MYO16: variants seen among roughly 807,000 people sequenced by gnomAD.
The protein encoded by MYO16 is myosin XVI, also known as unconventional myosin-XVI.
Under a neutral mutation model 205.3 loss-of-function variants are expected in MYO16, and 94 were observed. The observed-to-expected ratio is 0.46, with a 90% CI of 0.39 to 0.54. The LOEUF is 0.54. Among genes scored for constraint, MYO16 ranks in the 20% least tolerant of loss-of-function variants. The pLI is 0.00. For synonymous variants in MYO16, 988 were observed against 954.0 expected, an observed-to-expected ratio of 1.04 and a Z score of -0.66; for missense variants, 2,315 against 2,387.5, an observed-to-expected ratio of 0.97 and a Z score of 0.63.
the MYO16 span, among the ~76,000 whole-genome samples, chr13:108,529,639 C>G: frequency 1.3e-5 from 2 of 152,216 alleles, no homozygotes; most frequent in African/African-American, 4.8e-5. Flanking sequence ...TTGAACCTGA[C>G]AGTTAATTGT....
intron 1 of MYO16, among the ~76,000 whole-genome samples, chr13:108,657,798 C>A (rs1881312445): frequency 6.6e-6 from 1 of 152,088 alleles, no homozygotes; most frequent in African/African-American, 2.4e-5. Flanking sequence ...CCTCTTCCTA[C>A]CCACATTTTA....
At chr13:108,522,209 C>T in the MYO16 span, among the ~76,000 whole-genome samples, 1 of 152,198 alleles carries the variant, frequency 6.6e-6, no homozygotes, top group African/African-American at 2.4e-5. Context: ...TGGAGACCCC[C>T]AAATTCTTCC....
chr13:108,615,646 C>T (rs1879324399), intron 1 of MYO16, among the ~76,000 whole-genome samples: 1 of 152,116 alleles, frequency 6.6e-6, no homozygotes, highest in African/African-American at 2.4e-5. Context: ...TTGATCCATG[C>T]TGTCAGATAT....
chr13:108,688,945 T>C (rs888078273), intron 2 of MYO16, among the ~76,000 whole-genome samples: 2 of 152,178 alleles, frequency 1.3e-5, no homozygotes, highest in Admixed American at 6.6e-5. Context: ...CATGAGCTTG[T>C]TATAAAGATT....
At chr13:108,616,504 T>C (rs144549355) in intron 1 of MYO16, among the ~76,000 whole-genome samples, 2 of 152,250 alleles carry the variant, frequency 1.3e-5, no homozygotes, top group African/African-American at 2.4e-5. Flanking sequence ...CATATGATGA[T>C]GACTTGGGAA....
chr13:108,500,805 T>C, the MYO16 span, among the ~76,000 whole-genome samples: 1 of 152,158 alleles, frequency 6.6e-6, no homozygotes, highest in East Asian at 1.9e-4. Context: ...ATGAAACCTG[T>C]GGCTTAAAAG....
intron 14 of MYO16, among the ~76,000 whole-genome samples, chr13:108,893,211 A>C (rs1033920342): frequency 6.6e-6 from 1 of 152,254 alleles, no homozygotes; most frequent in Non-Finnish European, 1.5e-5. Flanking sequence ...GTATATGTAC[A>C]GGAATTAAAT....
intron 22 of MYO16, among the ~76,000 whole-genome samples, chr13:109,011,762 C>G (rs1885610130): frequency 6.6e-6 from 1 of 151,996 alleles, no homozygotes; most frequent in South Asian, 2.1e-4. Flanking sequence ...ATCCGCCTGC[C>G]TCACCTCCCA....
At chr13:108,583,327 T>C in the MYO16 span, among the ~76,000 whole-genome samples, 1 of 152,202 alleles carries the variant, frequency 6.6e-6, no homozygotes, top group Admixed American at 6.5e-5. Context: ...ATGCATCAAG[T>C]TGACAGAGTT....
intron 24 of MYO16, chr13:109,048,355 G>A (rs181373087): frequency 1.7e-4 from 128 of 757,508 alleles, no homozygotes; most frequent in Non-Finnish European, 2.8e-4. Flanking sequence ...GTGCTTCTGA[G>A]CAAAAGGACA....
upstream of MYO16, among the ~76,000 whole-genome samples, chr13:108,591,157 T>C (rs932370212): frequency 4.6e-5 from 7 of 152,214 alleles, no homozygotes; most frequent in East Asian, 1.4e-3. Flanking sequence ...ATCTCCTGAC[T>C]CTTACCTGCA....
intron 2 of MYO16, among the ~76,000 whole-genome samples, chr13:108,667,322 T>G (rs1276627819): frequency 2.1e-5 from 3 of 141,384 alleles, no homozygotes; most frequent in East Asian, 4.1e-4. Context: ...TCTGTTTTGT[T>G]TTTTTTTTTT....
chr13:108,611,998 C>T lies in MYO16; in HGVS notation c.-39+15759C>T, dbSNP rs1316458046. Reference sequence around the variant, plus strand: ...TTTTTTTTTTTTTTTTTTTTTGAGACGGAGTCTCGCTCTGTCGCCCAGGCT... The same window carrying T: ...TTTTTTTTTTTTTTTTTTTTTGAGATGGAGTCTCGCTCTGTCGCCCAGGCT... On this transcript the variant is annotated intron_variant, in intron 1 of 24. Coordinates refer to the MYO16 transcript ENST00000251041. 2.3e-4 allele frequency among the ~76,000 whole-genome samples: 26 copies of T among 113,344 alleles called. No individual in the cohort carries two copies. The Admixed American group carries it at 2.4e-3, about 10-fold the overall frequency. 74.4% of individuals were successfully genotyped at this position (113,344 alleles called of 152,430 possible).
Position 108,823,284 on chromosome 13 carries a change from T to C in MYO16, c.1097+6T>C, listed in dbSNP as rs1876082412. 1 of 1,599,258 alleles carries C rather than the reference T, an allele frequency of 6.3e-7. No homozygotes were observed. ...CCCGTACTGTCGAGTAAGCTGTAAG[T>C]GTCTTCCTGCTTATTCTCTTTTGCC... is the stretch of plus-strand genomic sequence containing the variant. On this transcript the variant is annotated splice_donor_region_variant and intron_variant, in intron 9 of 34. Coordinates refer to ENST00000457511, the MANE Select transcript of MYO16 (RefSeq NM_001198950.3).
At chr13:108,583,857 G>A in the MYO16 span, among the ~76,000 whole-genome samples, 1 of 152,188 alleles carries the variant, frequency 6.6e-6, no homozygotes, top group Non-Finnish European at 1.5e-5. Flanking sequence ...TACCCATGCA[G>A]TCTTTTAAAA....
chr13:108,867,754 A>C (rs569138811), intron 12 of MYO16, among the ~76,000 whole-genome samples: 40 of 152,308 alleles, frequency 2.6e-4, no homozygotes, highest in African/African-American at 9.1e-4. Context: ...CACTCTAAAA[A>C]CCATCATGCA....
At chr13:108,709,772 G>A (rs1050566216) in intron 2 of MYO16, among the ~76,000 whole-genome samples, 1 of 134,646 alleles carries the variant, frequency 7.4e-6, no homozygotes, top group African/African-American at 2.8e-5. Flanking sequence ...ATCTTTATAT[G>A]CGAAGAATAA....
chr13:109,099,815 A>G lies in MYO16; in HGVS notation c.3336-970A>G, dbSNP rs186768310. Among the ~76,000 whole-genome samples the G allele has an allele frequency of 6.0e-4, 92 of 152,304 alleles. No homozygotes were observed. The Middle Eastern group carries it at 0.014, about 23-fold the overall frequency. On this transcript the variant is annotated intron_variant, in intron 27 of 34. Transcript: ENST00000457511. ...AAGTAAATAAAGATGTGTAGGCAAA[A>G]CACTCCCTCCCTTAATTGCACTAAG...
intron 9 of MYO16, among the ~76,000 whole-genome samples, chr13:108,833,681 G>T (rs941863476): frequency 6.6e-6 from 1 of 152,080 alleles, no homozygotes; most frequent in African/African-American, 2.4e-5. Flanking sequence ...TCCATTTTCA[G>T]AAATAAAATC....
Sources: allele counts gnomAD v4.1 joint callset (sites outside exome capture counted in the v4.1 genomes callset), GRCh38; gene constraint gnomAD v4.1.1; transcripts MANE v1.5; gene names NCBI Gene and HGNC (gene_info 2026-07-23, HGNC 2026-07-21).